Variants in ABHD12 observed in about 807,000 individuals in gnomAD.
The protein encoded by ABHD12 is lysophosphatidylserine lipase ABHD12.
In ABHD12, 43 loss-of-function variants were observed where a neutral mutation model predicts 58.3. The observed-to-expected ratio is 0.74, with a 90% CI of 0.58 to 0.95. ABHD12 has a LOEUF of 0.95. ABHD12 is among the 40% of genes least tolerant of loss of function. ABHD12 has a pLI of 0.00. For synonymous variants in ABHD12, 219 were observed against 211.2 expected, an observed-to-expected ratio of 1.04 and a Z score of -0.32; for missense variants, 539 against 537.2, an observed-to-expected ratio of 1.00 and a Z score of -0.03.
chr20:25,330,320 C>T (rs6107028), intron 2 of ABHD12, among the ~76,000 whole-genome samples: 3,315 of 152,300 alleles, frequency 0.022, 116 homozygotes, highest in African/African-American at 0.076. Context: ...CCTACGCCCA[C>T]GGAGTCTCGC....
intron 1 of ABHD12, among the ~76,000 whole-genome samples, chr20:25,341,554 C>T (rs2089454554): frequency 6.6e-6 from 1 of 152,112 alleles, no homozygotes; most frequent in Admixed American, 6.5e-5. Flanking sequence ...CCTTGTTCTC[C>T]TTAATGCTTG....
intron 1 of ABHD12, among the ~76,000 whole-genome samples, chr20:25,344,268 A>G (rs996877458): frequency 6.6e-6 from 1 of 152,250 alleles, no homozygotes; most frequent in Admixed American, 6.5e-5. Flanking sequence ...AAGGAAAAAT[A>G]AAACTTTGCA....
At chr20:25,308,981 A>T (rs1454991750) in intron 7 of ABHD12, among the ~76,000 whole-genome samples, 3 of 152,148 alleles carry the variant, frequency 2.0e-5, no homozygotes, top group Non-Finnish European at 4.4e-5. Context: ...CCCCGAAGGG[A>T]AAGGCAGCAG....
chr20:25,312,297 G>A (rs1222229473), intron 6 of ABHD12, among the ~76,000 whole-genome samples: 3 of 152,132 alleles, frequency 2.0e-5, no homozygotes, highest in African/African-American at 7.2e-5. Context: ...TCCTGCCTCA[G>A]CCTGCCGAGT....
At chr20:25,314,477 A>G (rs1167155337) in intron 6 of ABHD12, among the ~76,000 whole-genome samples, 2 of 152,014 alleles carry the variant, frequency 1.3e-5, no homozygotes, top group Non-Finnish European at 2.9e-5. Flanking sequence ...CAGGAGTCTG[A>G]GACTAGCCTA....
intron 1 of ABHD12, chr20:25,339,642 G>C (rs1447061391): frequency 2.8e-6 from 4 of 1,410,188 alleles, no homozygotes; most frequent in Middle Eastern, 2.0e-4. Flanking sequence ...GAATACAGCA[G>C]AGAAAGCAGA....
chr20:25,371,891 ATCTT>A (rs2089903844), intron 1 of ABHD12, among the ~76,000 whole-genome samples: 1 of 152,130 alleles, frequency 6.6e-6, no homozygotes, highest in South Asian at 2.1e-4. Context: ...TCAATTGAAG[ATCTT>A]TCTTTTTTAC....
chr20:25,339,866 G>C, intron 1 of ABHD12: 1 of 882,988 alleles, frequency 1.1e-6, no homozygotes, highest in Non-Finnish European at 1.5e-6. Context: ...GAACTGGCAC[G>C]GTGTGTCCTT....
At position 25,368,522 on chromosome 20, in the gene ABHD12, A is replaced by G. The variant is rs1600862751; in HGVS notation, c.191+21991T>C. On this transcript the variant is annotated intron_variant, in intron 1 of 12. Coordinates refer to ENST00000339157, the MANE Select transcript of ABHD12 (RefSeq NM_001042472.3). ...CTTTAGGATGAAGTTTTCATCACCA[A>G]ATTTCTCCCCGTAAATGGACTTGCC... The G allele has an allele frequency of 5.4e-6, 8 of 1,493,012 alleles. No homozygotes were observed. The East Asian group carries it at 1.8e-4, about 34-fold the overall frequency. 92.5% of individuals were successfully genotyped at this position (1,493,012 alleles called of 1,614,324 possible).
intron 9 of ABHD12, among the ~76,000 whole-genome samples, chr20:25,307,560 G>A (rs571096200): frequency 6.6e-6 from 1 of 152,348 alleles, no homozygotes; most frequent in Admixed American, 6.5e-5. Context: ...GTTCACCTGG[G>A]CCTTTCCCCA....
At chr20:25,299,206 G>T (rs1235741425), downstream of ABHD12, among the ~76,000 whole-genome samples, 3 of 152,174 alleles carry the variant, frequency 2.0e-5, no homozygotes, top group African/African-American at 7.2e-5. Flanking sequence ...AGACCAGCCT[G>T]GGCAACATGG....
At chr20:25,368,815 T>A in intron 1 of ABHD12, 1 of 607,986 alleles carries the variant, frequency 1.6e-6, no homozygotes, top group Non-Finnish European at 3.0e-6. Context: ...CAAAGCCTAC[T>A]TTCTTTTAAA....
At chr20:25,378,697 CTTTTT>C (rs10617181) in intron 1 of ABHD12, among the ~76,000 whole-genome samples, 5 of 139,646 alleles carry the variant, frequency 3.6e-5, no homozygotes, top group Non-Finnish European at 7.7e-5. Context: ...ATAATTTGAA[CTTTTT>C]TTTTTTTTTT....
rs1373361161 is a variant in ABHD12, at chr20:25,348,041, C to T, written c.192-8690G>A. Among the ~76,000 whole-genome samples, 6 of 151,734 alleles carry T rather than the reference C, an allele frequency of 4.0e-5. No individual in the cohort carries two copies. In the East Asian group the frequency reaches 1.2e-3, roughly 29 times the overall value. On this transcript the variant is annotated intron_variant, in intron 1 of 12. Coordinates refer to ENST00000339157, the MANE Select transcript of ABHD12 (RefSeq NM_001042472.3). ...CCTGGCCAACGTGGTGAAAACCCGTCTCTATCAAAAATACAAAAATTAGCT... is the reference window on the plus strand; with the variant it reads ...CCTGGCCAACGTGGTGAAAACCCGTTTCTATCAAAAATACAAAAATTAGCT...
intron 1 of ABHD12, 72 bp downstream of exon 1, chr20:25,390,441 C>G: frequency 7.5e-7 from 1 of 1,331,904 alleles, no homozygotes; most frequent in East Asian, 3.5e-5. Flanking sequence ...GTACCGCGGC[C>G]CCCTGCGGGA....
At chr20:25,348,494 G>C (rs996405364) in intron 1 of ABHD12, among the ~76,000 whole-genome samples, 2 of 148,676 alleles carry the variant, frequency 1.3e-5, no homozygotes, top group Middle Eastern at 3.3e-3. Flanking sequence ...GCTGACTTGA[G>C]CCTGTGGTCC....
Position 25,302,242 on chromosome 20 carries a change from G to A in ABHD12, c.1134C>T (p.Ser378=). The change falls in exon 12 of 13, where the codon AGC becomes AGT. Residue 378 remains serine (S), a synonymous_variant. Coordinates refer to ENST00000339157, the MANE Select transcript of ABHD12 (RefSeq NM_001042472.3). The part of the protein sequence containing the change: ...LGYRHKYIYK[S]PELPRILREF... ...ACCTCAGTATCCGTGGCAGCTCAGG[G>A]CTCTTGTAAATGTATTTGTGCCTGT... The A allele has an allele frequency of 1.2e-6, 2 of 1,613,604 alleles. No individual in the cohort carries two copies. Among genetic ancestry groups the A allele is most frequent in the Non-Finnish European group, 8.5e-7 (1 of 1,179,994 alleles).
At chr20:25,372,616 C>T (rs965860297) in intron 1 of ABHD12, among the ~76,000 whole-genome samples, 3 of 152,140 alleles carry the variant, frequency 2.0e-5, no homozygotes, top group Non-Finnish European at 4.4e-5. Flanking sequence ...GAATTTTGGA[C>T]GGATAGCTTT....
Position 25,322,381 on chromosome 20 carries a change from A to ATATATATATATATATTTTT in ABHD12, c.422+943_422+944insAAAAATATATATATATATA. On this transcript the variant is annotated intron_variant, in intron 3 of 12. Transcript: ENST00000339157. ...GGAAAAGATATATATATATATATAT[A>ATATATATATATATATTTTT]TTTTTTTTTTTTTTTGAGACAAGAG... Among the ~76,000 whole-genome samples, 68 of 59,242 alleles carry ATATATATATATATATTTTT rather than the reference A, an allele frequency of 1.1e-3. 1 individual carries two copies. Among genetic ancestry groups the ATATATATATATATATTTTT allele is most frequent in the African/African-American group, 4.9e-3 (59 of 12,072 alleles). The allele number at this position is 59,242 out of a possible 152,430, so 38.9% of individuals were successfully genotyped here.
Sources: gnomAD v4.1 joint callset for allele counts (sites outside exome capture counted in the v4.1 genomes callset) on GRCh38, gnomAD v4.1.1 for gene constraint, MANE v1.5 for transcripts, NCBI Gene and HGNC (gene_info 2026-07-23, HGNC 2026-07-21) for gene names.